Variants in MSRB3 observed in about 807,000 individuals in gnomAD.
The protein encoded by MSRB3 is methionine sulfoxide reductase B3, also known as methionine-R-sulfoxide reductase B3.
A neutral mutation model predicts 21.0 loss-of-function variants in MSRB3; 13 were observed. The ratio of observed to expected loss-of-function variants is 0.62; its 90% CI spans 0.40 to 0.98. The LOEUF is 0.98. Among genes scored for constraint, MSRB3 ranks in the 50% least tolerant of loss-of-function variants. The pLI is 0.00. For missense variants in MSRB3, 199 were observed against 230.3 expected (o/e 0.86, Z 0.88); for synonymous variants, 87 against 88.6 (o/e 0.98, Z 0.10).
At chr12:65,427,440 TC>T (rs1425222142) in intron 5 of MSRB3, among the ~76,000 whole-genome samples, 7 of 152,170 alleles carry the variant, frequency 4.6e-5, no homozygotes, top group Admixed American at 4.6e-4. Flanking sequence ...TTCTGAGTTT[TC>T]TATGATAATG....
intron 4 of MSRB3, among the ~76,000 whole-genome samples, chr12:65,366,084 G>A (rs1365993944): frequency 6.6e-6 from 1 of 152,162 alleles, no homozygotes; most frequent in African/African-American, 2.4e-5. Flanking sequence ...TGACAATCCA[G>A]TCCAAGGGCA....
chr12:65,286,075 A>G (rs1872326516), intron 1 of MSRB3: 1 of 152,236 alleles, frequency 6.6e-6, no homozygotes, highest in Non-Finnish European at 1.5e-5. Context: ...AGCAAAAGCT[A>G]CTATAAAACT....
intron 5 of MSRB3, among the ~76,000 whole-genome samples, chr12:65,434,626 G>T (rs79513345): frequency 6.6e-6 from 1 of 151,676 alleles, no homozygotes. Flanking sequence ...CATGAATGAC[G>T]GAAGAAGGTG....
chr12:65,374,166 TTTC>T (rs1289803747), intron 5 of MSRB3, among the ~76,000 whole-genome samples: 2 of 152,212 alleles, frequency 1.3e-5, no homozygotes, highest in African/African-American at 4.8e-5. Flanking sequence ...TACAGTTTAA[TTTC>T]TTCATTTTAA....
Position 65,422,416 on chromosome 12 carries a change from ATATATATATATATATTTATT to A in MSRB3, c.293-31308_293-31289del, listed in dbSNP as rs1187222685. Among the ~76,000 whole-genome samples the A allele has an allele frequency of 1.6e-3, 69 of 43,266 alleles. 1 individual carries two copies. Among genetic ancestry groups the A allele is most frequent in the African/African-American group, 2.7e-3 (40 of 15,026 alleles). The allele number at this position is 43,266 out of a possible 152,430, so 28.4% of individuals were successfully genotyped here. A position where few individuals can be genotyped will look rare whatever the true frequency, so the allele number is the denominator to read the frequency against. On this transcript the variant is annotated intron_variant, in intron 5 of 6. Transcript: ENST00000308259. ...TATATATATATATATATATATATAT[ATATATATATATATATTTATT>A]TATTTATTTATGGGGTATATGGGAT...
At chr12:65,352,339 A>G (rs1877067969) in intron 4 of MSRB3, among the ~76,000 whole-genome samples, 1 of 150,778 alleles carries the variant, frequency 6.6e-6, no homozygotes, top group Admixed American at 6.6e-5. Context: ...TATCTATGAG[A>G]AACCCACAGC....
At chr12:65,399,444 A>G (rs4332569) in intron 5 of MSRB3, among the ~76,000 whole-genome samples, 101,290 of 152,014 alleles carry the variant, frequency 0.67, 33,929 homozygotes, top group Admixed American at 0.73. Context: ...ATTTTTGCAC[A>G]TTGATTTTGT....
intron 2 of MSRB3, among the ~76,000 whole-genome samples, chr12:65,313,491 G>T (rs898988115): frequency 2.0e-5 from 3 of 151,798 alleles, no homozygotes; most frequent in African/African-American, 7.3e-5. Flanking sequence ...TTCCAGAAAA[G>T]ACATATATGC....
intron 1 of MSRB3, among the ~76,000 whole-genome samples, chr12:65,295,192 A>C (rs898380944): frequency 2.6e-5 from 4 of 152,148 alleles, no homozygotes; most frequent in African/African-American, 9.7e-5. Flanking sequence ...ACCTTGAAAA[A>C]GTATCTAAAA....
intron 6 of MSRB3, among the ~76,000 whole-genome samples, chr12:65,456,935 T>A (rs533904733): frequency 1.3e-5 from 2 of 152,200 alleles, no homozygotes; most frequent in Non-Finnish European, 2.9e-5. Context: ...TCAATTTCTC[T>A]GTCTTTTATT....
At chr12:65,353,791 T>C (rs1877199917) in intron 4 of MSRB3, among the ~76,000 whole-genome samples, 1 of 152,138 alleles carries the variant, frequency 6.6e-6, no homozygotes, top group African/African-American at 2.4e-5. Flanking sequence ...GTGATTTTGC[T>C]CGTTAGTTGA....
intron 5 of MSRB3, among the ~76,000 whole-genome samples, chr12:65,432,298 T>G (rs1323533232): frequency 6.6e-6 from 1 of 152,046 alleles, no homozygotes; most frequent in Non-Finnish European, 1.5e-5. Flanking sequence ...TATATCCATA[T>G]GCTGTTTATA....
chr12:65,434,957 A>G (rs1366280752), intron 5 of MSRB3, among the ~76,000 whole-genome samples: 2 of 151,842 alleles, frequency 1.3e-5, no homozygotes, highest in Admixed American at 1.3e-4. Flanking sequence ...CTGGGAGACC[A>G]GTTAGATGTT....
chr12:65,425,621 C>T (rs1238475470), intron 5 of MSRB3, among the ~76,000 whole-genome samples: 2 of 151,944 alleles, frequency 1.3e-5, no homozygotes, highest in African/African-American at 4.8e-5. Flanking sequence ...GATTGTATTA[C>T]AAAATCCTAC....
rs1297398099 is a variant in MSRB3, at chr12:65,466,346, A to G, written c.*3024A>G. The G allele has an allele frequency of 6.6e-6, 1 of 152,206 alleles. No homozygotes were observed. Among genetic ancestry groups the G allele is most frequent in the Non-Finnish European group, 1.5e-5 (1 of 68,034 alleles). 9.4% of individuals were successfully genotyped at this position (152,206 alleles called of 1,614,324 possible). On this transcript the variant is annotated 3_prime_UTR_variant, in exon 7 of 7. Coordinates refer to ENST00000308259, the MANE Select transcript of MSRB3 (RefSeq NM_001031679.3). The stretch of plus-strand genomic sequence containing the variant: ...ATTACTAAAACGTCAGTGAGCAATA[A>G]TGTCAGCTGTCAAGCACTAGATTTA...
chr12:65,444,182 T>C (rs1298743176), intron 5 of MSRB3, among the ~76,000 whole-genome samples: 1 of 152,160 alleles, frequency 6.6e-6, no homozygotes, highest in Non-Finnish European at 1.5e-5. Context: ...TACTGGGTGC[T>C]GCAAACATGT....
chr12:65,350,124 A>T (rs1364577852), intron 4 of MSRB3, among the ~76,000 whole-genome samples: 1 of 151,988 alleles, frequency 6.6e-6, no homozygotes, highest in Non-Finnish European at 1.5e-5. Context: ...AGCTATCTAC[A>T]TATGGCTAGC....
At chr12:65,394,049 G>A (rs566748795) in intron 5 of MSRB3, among the ~76,000 whole-genome samples, 2 of 152,074 alleles carry the variant, frequency 1.3e-5, no homozygotes, top group Non-Finnish European at 1.5e-5. Flanking sequence ...ATGTAGACTG[G>A]TGGAAAGATT....
At chr12:65,286,355 T>A (rs572330919) in intron 1 of MSRB3, 1 of 152,340 alleles carries the variant, frequency 6.6e-6, no homozygotes, top group Admixed American at 6.5e-5. Flanking sequence ...CAATAAAATT[T>A]ATATATGTTA....
Sources: allele counts gnomAD v4.1 joint callset (sites outside exome capture counted in the v4.1 genomes callset), GRCh38; gene constraint gnomAD v4.1.1; transcripts MANE v1.5; gene names NCBI Gene and HGNC (gene_info 2026-07-23, HGNC 2026-07-21).